EXOC4: variants seen among roughly 807,000 people sequenced by gnomAD.
EXOC4 encodes the protein exocyst complex component 4, also known as SEC8-like 1.
In EXOC4, 71 loss-of-function variants were observed where a neutral mutation model predicts 107.2. The observed-to-expected ratio is 0.66, with a 90% CI of 0.55 to 0.81. The LOEUF is 0.81. EXOC4 is among the 30% of genes least tolerant of loss of function. EXOC4 has a pLI of 0.00. For synonymous variants in EXOC4, 456 were observed against 441.2 expected, an observed-to-expected ratio of 1.03 and a Z score of -0.42; for missense variants, 1,108 against 1,189.6, an observed-to-expected ratio of 0.93 and a Z score of 1.01.
chr7:133,672,002 G>A (rs998933841), intron 10 of EXOC4, among the ~76,000 whole-genome samples: 21 of 152,138 alleles, frequency 1.4e-4, no homozygotes, highest in African/African-American at 5.1e-4. Flanking sequence ...GACTAGCACT[G>A]TCCAAAAGAA....
the EXOC4 span, among the ~76,000 whole-genome samples, chr7:134,072,687 T>C: frequency 6.6e-6 from 1 of 152,222 alleles, no homozygotes; most frequent in South Asian, 2.1e-4. Context: ...TTACAAGTGC[T>C]TAAAAATGCC....
At chr7:133,795,704 T>C (rs1034579027) in intron 10 of EXOC4, among the ~76,000 whole-genome samples, 5 of 152,198 alleles carry the variant, frequency 3.3e-5, no homozygotes, top group Admixed American at 6.5e-5. Context: ...TATCTAAAAT[T>C]AGAATTTGAC....
intron 7 of EXOC4, among the ~76,000 whole-genome samples, chr7:133,417,853 G>A (rs1246999354): frequency 6.6e-6 from 1 of 152,124 alleles, no homozygotes; most frequent in African/African-American, 2.4e-5. Context: ...TGTAGACTGT[G>A]CATGTGAAAC....
chr7:133,546,253 C>CTT (rs368101148), intron 9 of EXOC4, among the ~76,000 whole-genome samples: 68,615 of 119,172 alleles, frequency 0.58, 20,624 homozygotes, highest in South Asian at 0.73. Flanking sequence ...AGCTGGAAAA[C>CTT]TTTTTTTTTT....
intron 5 of EXOC4, among the ~76,000 whole-genome samples, chr7:133,353,190 T>A (rs535577359): frequency 5.3e-5 from 8 of 152,262 alleles, no homozygotes; most frequent in Admixed American, 4.6e-4. Flanking sequence ...ACACTACTAA[T>A]TTTTATAATT....
intron 5 of EXOC4, among the ~76,000 whole-genome samples, chr7:133,321,469 TCCATATGTTCTCATTGTTCA>T (rs1795110664): frequency 1.3e-5 from 2 of 152,186 alleles, no homozygotes; most frequent in African/African-American, 2.4e-5. Context: ...CTCTCCTGTG[TCCATATGTTCTCATTGTTCA>T]ACTCCCACTT....
chr7:133,756,163 A>G (rs1181442702), intron 10 of EXOC4, among the ~76,000 whole-genome samples: 1 of 152,134 alleles, frequency 6.6e-6, no homozygotes, highest in Non-Finnish European at 1.5e-5. Context: ...AATTTTCATA[A>G]TTATCATTTT....
chr7:133,481,781 T>G (rs1379232570), intron 9 of EXOC4, among the ~76,000 whole-genome samples: 1 of 152,108 alleles, frequency 6.6e-6, no homozygotes, highest in Non-Finnish European at 1.5e-5. Flanking sequence ...TCGAGAGTCT[T>G]GATGTAGAGG....
At chr7:133,334,605 T>C (rs1048432937) in intron 5 of EXOC4, among the ~76,000 whole-genome samples, 1 of 152,174 alleles carries the variant, frequency 6.6e-6, no homozygotes, top group Non-Finnish European at 1.5e-5. Flanking sequence ...GTTTGTTACA[T>C]AGGTAAATGT....
intron 8 of EXOC4, among the ~76,000 whole-genome samples, chr7:133,476,838 A>G (rs943363115): frequency 6.6e-6 from 1 of 152,224 alleles, no homozygotes; most frequent in African/African-American, 2.4e-5. Flanking sequence ...GTACAATATC[A>G]TAAAGGACTC....
intron 11 of EXOC4, among the ~76,000 whole-genome samples, chr7:133,839,652 GA>G (rs1374487666): frequency 3.9e-5 from 6 of 152,160 alleles, no homozygotes; most frequent in Admixed American, 3.9e-4. Flanking sequence ...AGCCATGGAG[GA>G]CTTGTACCAA....
chr7:133,882,156 T>C (rs1285374740), intron 11 of EXOC4, among the ~76,000 whole-genome samples: 1 of 152,238 alleles, frequency 6.6e-6, no homozygotes. Flanking sequence ...GTGATATTTT[T>C]CCATGTGAAT....
intron 7 of EXOC4, among the ~76,000 whole-genome samples, chr7:133,438,072 A>G (rs182249615): frequency 6.6e-6 from 1 of 152,320 alleles, no homozygotes; most frequent in Admixed American, 6.5e-5. Flanking sequence ...TAACTCTAAC[A>G]AGATACTTTT....
At chr7:133,739,327 CTG>C (rs1795515189) in intron 10 of EXOC4, among the ~76,000 whole-genome samples, 1 of 151,774 alleles carries the variant, frequency 6.6e-6, no homozygotes, top group African/African-American at 2.4e-5. Flanking sequence ...TAAACAGTCT[CTG>C]TAAGATTTTT....
intron 12 of EXOC4, among the ~76,000 whole-genome samples, chr7:133,907,026 G>C (rs1422983861): frequency 6.6e-6 from 1 of 152,152 alleles, no homozygotes; most frequent in Non-Finnish European, 1.5e-5. Flanking sequence ...GAAGCGGCCA[G>C]CCACCATCTT....
chr7:133,578,195 C>A (rs1054080603), intron 9 of EXOC4, among the ~76,000 whole-genome samples: 8 of 152,138 alleles, frequency 5.3e-5, no homozygotes, highest in African/African-American at 1.7e-4. Context: ...CCCTTTTGGT[C>A]CTATTTATCC....
intron 15 of EXOC4, among the ~76,000 whole-genome samples, chr7:134,002,049 A>G (rs1210082761): frequency 6.6e-6 from 1 of 152,228 alleles, no homozygotes; most frequent in African/African-American, 2.4e-5. Context: ...CATGAATCCC[A>G]TTCCAGAGTT....
At chr7:133,373,772 A>G (rs1341214839) in intron 6 of EXOC4, among the ~76,000 whole-genome samples, 1 of 152,224 alleles carries the variant, frequency 6.6e-6, no homozygotes, top group African/African-American at 2.4e-5. Flanking sequence ...TGTTCATGCT[A>G]TACACATTAA....
chr7:133,670,397 T>C (rs1793919668), intron 10 of EXOC4, among the ~76,000 whole-genome samples: 1 of 152,204 alleles, frequency 6.6e-6, no homozygotes, highest in African/African-American at 2.4e-5. Context: ...GCCTAGCCAG[T>C]GTATGGTTTG....
Sources: gnomAD v4.1 joint callset for allele counts (sites outside exome capture counted in the v4.1 genomes callset) on GRCh38, gnomAD v4.1.1 for gene constraint, MANE v1.5 for transcripts, NCBI Gene and HGNC (gene_info 2026-07-23, HGNC 2026-07-21) for gene names.